The following SRGAP1 variants were observed in gnomAD, a reference collection of about 807,000 sequenced individuals.
SRGAP1 encodes SLIT-ROBO Rho GTPase-activating protein 1.
A neutral mutation model predicts 121.9 loss-of-function variants in SRGAP1; 43 were observed. That is an observed-to-expected ratio of 0.35 (90% CI 0.28 to 0.46). The LOEUF is 0.46. Among genes scored for constraint, SRGAP1 ranks in the 20% least tolerant of loss-of-function variants. The pLI, the probability that SRGAP1 is intolerant of heterozygous loss-of-function variation, is 1.00. For synonymous variants in SRGAP1, 447 were observed against 485.4 expected (o/e 0.92, Z 1.04); for missense variants, 1,102 against 1,350.9 (o/e 0.82, Z 2.89).
intron 2 of SRGAP1, among the ~76,000 whole-genome samples, chr12:63,988,252 C>G (rs561066591): frequency 1.4e-4 from 22 of 152,078 alleles, no homozygotes; most frequent in Non-Finnish European, 2.5e-4. Context: ...ATGAAATGTT[C>G]TGAAAGAATT....
intron 1 of SRGAP1, among the ~76,000 whole-genome samples, chr12:63,880,041 T>C (rs1900142841): frequency 6.6e-6 from 1 of 152,160 alleles, no homozygotes; most frequent in South Asian, 2.1e-4. Flanking sequence ...AATTGAATCA[T>C]GGGGGCAGGT....
chr12:63,859,174 G>A (rs1316254840), intron 1 of SRGAP1, among the ~76,000 whole-genome samples: 2 of 152,022 alleles, frequency 1.3e-5, no homozygotes. Flanking sequence ...GAATCTTAAA[G>A]TAGTTTGTCT....
At chr12:63,996,609 T>C (rs1208917467) in intron 3 of SRGAP1, among the ~76,000 whole-genome samples, 1 of 152,136 alleles carries the variant, frequency 6.6e-6, no homozygotes, top group Non-Finnish European at 1.5e-5. Flanking sequence ...TTAATTGGCT[T>C]TTATTAGCAG....
chr12:64,010,103 C>T lies in SRGAP1; in HGVS notation c.427-6847C>T, dbSNP rs893552976. On this transcript the variant is annotated intron_variant, in intron 3 of 21. Transcript: ENST00000355086. ...GCCTGATCCCTTTAACCAGAATTTA[C>T]ATCCCAAACTGACTGAGCATGAGAC... 4.6e-5 allele frequency among the ~76,000 whole-genome samples: 7 copies of T among 152,254 alleles called. 1 individual carries two copies. The highest frequency in any genetic ancestry group is 1.4e-4 in the African/African-American group (6 of 41,520).
chr12:63,882,266 ATTTTG>A (rs149167503), intron 1 of SRGAP1, among the ~76,000 whole-genome samples: 67,542 of 150,756 alleles, frequency 0.45, 15,503 homozygotes, highest in East Asian at 0.72. Flanking sequence ...TGCTTCTGTA[ATTTTG>A]TTTTGTTTTG....
At chr12:63,911,498 C>T (rs577314252) in intron 1 of SRGAP1, among the ~76,000 whole-genome samples, 10 of 152,240 alleles carry the variant, frequency 6.6e-5, no homozygotes, top group African/African-American at 2.4e-4. Context: ...GTGCCCTTAG[C>T]TGATCTCCCT....
chr12:64,080,517 G>T, intron 10 of SRGAP1, 147 bp downstream of exon 10: 1 of 759,740 alleles, frequency 1.3e-6, no homozygotes, highest in Non-Finnish European at 2.3e-6. Context: ...TATATGTCAT[G>T]ATTAAGTTCT....
chr12:63,929,988 T>C (rs1480558173), intron 1 of SRGAP1, among the ~76,000 whole-genome samples: 1 of 151,954 alleles, frequency 6.6e-6, no homozygotes, highest in Non-Finnish European at 1.5e-5. Flanking sequence ...ACAAAACCAC[T>C]ATGAGATACC....
At chr12:63,988,539 A>G (rs1458533775) in intron 2 of SRGAP1, among the ~76,000 whole-genome samples, 3 of 152,210 alleles carry the variant, frequency 2.0e-5, no homozygotes, top group Non-Finnish European at 4.4e-5. Context: ...CCCTATGCCC[A>G]TTCCTGCTTC....
At chr12:64,002,563 C>A (rs1048252377) in intron 3 of SRGAP1, among the ~76,000 whole-genome samples, 1 of 152,164 alleles carries the variant, frequency 6.6e-6, no homozygotes, top group Non-Finnish European at 1.5e-5. Flanking sequence ...CCATAAAGTT[C>A]TTTATGAACT....
chr12:63,845,236 C>A (rs1293112030), intron 1 of SRGAP1, among the ~76,000 whole-genome samples: 2 of 152,156 alleles, frequency 1.3e-5, no homozygotes, highest in Non-Finnish European at 2.9e-5. Context: ...CATCATTATT[C>A]TTTTTAAATG....
intron 2 of SRGAP1, among the ~76,000 whole-genome samples, chr12:63,989,404 T>C (rs2033496725): frequency 6.6e-6 from 1 of 152,114 alleles, no homozygotes; most frequent in South Asian, 2.1e-4. Flanking sequence ...AGACTGGAGG[T>C]TATGTATCAG....
chr12:64,028,538 G>A (rs1168635510), intron 4 of SRGAP1, among the ~76,000 whole-genome samples: 1 of 152,208 alleles, frequency 6.6e-6, no homozygotes, highest in Non-Finnish European at 1.5e-5. Flanking sequence ...CAAACTGGGT[G>A]GCTTATAAAC....
chr12:63,927,073 C>T (rs895269118), intron 1 of SRGAP1, among the ~76,000 whole-genome samples: 2 of 152,116 alleles, frequency 1.3e-5, no homozygotes, highest in African/African-American at 4.8e-5. Flanking sequence ...CCCCCGACCC[C>T]CCACCAATAT....
intron 1 of SRGAP1, among the ~76,000 whole-genome samples, chr12:63,851,012 C>T (rs182568386): frequency 2.0e-5 from 3 of 151,626 alleles, no homozygotes; most frequent in South Asian, 2.1e-4. Context: ...AAAAATTAGC[C>T]GGGTGTGGTA....
intron 1 of SRGAP1, among the ~76,000 whole-genome samples, chr12:63,858,690 G>A (rs1899338538): frequency 6.6e-6 from 1 of 152,080 alleles, no homozygotes; most frequent in Non-Finnish European, 1.5e-5. Flanking sequence ...TTCTTCTCAT[G>A]TCAGTTTTGA....
intron 4 of SRGAP1, among the ~76,000 whole-genome samples, chr12:64,034,813 G>GGGTTA (rs1230487160): frequency 6.6e-6 from 1 of 152,200 alleles, no homozygotes; most frequent in Non-Finnish European, 1.5e-5. Context: ...TCTGTCTCAT[G>GGGTTA]AGTCGGAGCT....
chr12:64,086,954 T>G lies in SRGAP1; in HGVS notation c.1409-45T>G, dbSNP rs2035956199. 3 of 1,486,554 alleles carry G rather than the reference T, an allele frequency of 2.0e-6. No individual in the cohort carries two copies. In the East Asian group the frequency reaches 6.8e-5, roughly 34 times the overall value. The allele number at this position is 1,486,554 out of a possible 1,614,324, so 92.1% of individuals were successfully genotyped here. A position where few individuals can be genotyped will look rare whatever the true frequency, so the allele number is the denominator to read the frequency against. ...ATACAAAAGAGTACCACATACACTC[T>G]GCTGATTCCTTTCAGTTTACTTACT... On this transcript the variant is annotated intron_variant, in intron 10 of 21. Transcript: ENST00000355086.
chr12:64,009,561 A>C (rs2136452362), intron 3 of SRGAP1, among the ~76,000 whole-genome samples: 1 of 152,314 alleles, frequency 6.6e-6, no homozygotes, highest in South Asian at 2.1e-4. Flanking sequence ...TGAACACAGC[A>C]ACAGCCGACC....
Sources: gnomAD v4.1 joint callset for allele counts (sites outside exome capture counted in the v4.1 genomes callset) on GRCh38, gnomAD v4.1.1 for gene constraint, MANE v1.5 for transcripts, NCBI Gene and HGNC (gene_info 2026-07-23, HGNC 2026-07-21) for gene names.